Variants in DIAPH2 observed in about 807,000 individuals in gnomAD.
The protein encoded by DIAPH2 is diaphanous related formin 2, also known as protein diaphanous homolog 2.
DIAPH2 carries 35 observed loss-of-function variants against 92.7 expected under a neutral mutation model. The ratio of observed to expected loss-of-function variants is 0.38; its 90% CI spans 0.29 to 0.50. The LOEUF is 0.50. Among genes scored for constraint, DIAPH2 ranks in the 20% least tolerant of loss-of-function variants. The probability of loss-of-function intolerance (pLI) is 0.94; values close to 1 mark genes in which losing one functional copy is unlikely to be tolerated. For missense variants in DIAPH2, 701 were observed against 819.5 expected, an observed-to-expected ratio of 0.86 and a Z score of 1.77; for synonymous variants, 301 against 280.4, an observed-to-expected ratio of 1.07 and a Z score of -0.73.
At chrX:96,911,991 G>A (rs1196307884) in intron 5 of DIAPH2, among the ~76,000 whole-genome samples, 1 of 111,818 alleles carries the variant, frequency 8.9e-6, no homozygotes, top group Non-Finnish European at 1.9e-5. Context: ...TATTAATAAA[G>A]TATCAAAGAG....
intron 19 of DIAPH2, among the ~76,000 whole-genome samples, chrX:97,080,298 C>T (rs1464682280): frequency 9.3e-6 from 1 of 107,901 alleles, no homozygotes; most frequent in African/African-American, 3.4e-5. Flanking sequence ...TTCCTTCCTT[C>T]CTAAGTAAAT....
intron 4 of DIAPH2, among the ~76,000 whole-genome samples, chrX:96,793,350 G>C (rs967771326): frequency 9.0e-6 from 1 of 111,720 alleles, no homozygotes; most frequent in African/African-American, 3.3e-5. Flanking sequence ...TGTATTTTTA[G>C]TAGAGACTGG....
chrX:97,228,487 C>T (rs1018287998), intron 22 of DIAPH2, among the ~76,000 whole-genome samples: 4 of 111,615 alleles, frequency 3.6e-5, no homozygotes, highest in Admixed American at 9.6e-5. Flanking sequence ...TTTGCAACTT[C>T]GCTTGTTGCT....
intron 4 of DIAPH2, among the ~76,000 whole-genome samples, chrX:96,766,797 A>C (rs1039279383): frequency 8.9e-6 from 1 of 112,250 alleles, no homozygotes; most frequent in Admixed American, 9.4e-5. Flanking sequence ...ACCAATGTTG[A>C]TTAGAAGCAG....
At chrX:97,185,494 T>TACATAC (rs1481456621) in intron 22 of DIAPH2, among the ~76,000 whole-genome samples, 3 of 49,686 alleles carry the variant, frequency 6.0e-5, no homozygotes, top group South Asian at 1.2e-3. Flanking sequence ...TATATATATA[T>TACATAC]ATATATATAT....
intron 4 of DIAPH2, among the ~76,000 whole-genome samples, chrX:96,788,777 C>G (rs2064478024): frequency 8.9e-6 from 1 of 111,866 alleles, no homozygotes; most frequent in Non-Finnish European, 1.9e-5. Context: ...TGTCTGTTAC[C>G]TAGCATTGCC....
At chrX:96,793,365 C>T (rs368200895) in intron 4 of DIAPH2, among the ~76,000 whole-genome samples, 8 of 112,162 alleles carry the variant, frequency 7.1e-5, no homozygotes, top group African/African-American at 2.3e-4. Flanking sequence ...GACTGGGTTT[C>T]GCCATGCTGG....
intron 23 of DIAPH2, among the ~76,000 whole-genome samples, chrX:97,269,077 G>A (rs180789800): frequency 1.9e-4 from 21 of 110,733 alleles, no homozygotes; most frequent in Non-Finnish European, 3.6e-4. Context: ...AGCTGGCCTC[G>A]ATCTCCTGAC....
chrX:97,567,239 AAAG>A (rs200448227), intron 26 of DIAPH2, among the ~76,000 whole-genome samples: 1,254 of 112,130 alleles, frequency 0.011, 6 homozygotes, highest in Non-Finnish European at 0.019. Flanking sequence ...AGTAATGAGA[AAAG>A]AATAAATCTT....
At chrX:96,874,605 A>G (rs2065166225) in intron 4 of DIAPH2, among the ~76,000 whole-genome samples, 1 of 111,947 alleles carries the variant, frequency 8.9e-6, no homozygotes, top group Admixed American at 9.5e-5. Context: ...TCGCTAGGAA[A>G]TCAGTTAATG....
chrX:96,871,436 C>T (rs1186555852), intron 4 of DIAPH2, among the ~76,000 whole-genome samples: 1 of 97,694 alleles, frequency 1.0e-5, no homozygotes, highest in Non-Finnish European at 2.0e-5. Flanking sequence ...CGCCACCGTA[C>T]TCCAGCCTGG....
chrX:97,191,385 C>G (rs1373461166), intron 22 of DIAPH2, among the ~76,000 whole-genome samples: 1 of 110,127 alleles, frequency 9.1e-6, no homozygotes, highest in Non-Finnish European at 1.9e-5. Context: ...TGGCTAAGAT[C>G]AAGTGTAGAA....
At chrX:97,113,066 C>T (rs371524633) in intron 20 of DIAPH2, among the ~76,000 whole-genome samples, 12 of 110,565 alleles carry the variant, frequency 1.1e-4, no homozygotes, top group African/African-American at 3.9e-4. Context: ...AGGCCTCAGC[C>T]ACCGCGCCCG....
chrX:96,776,791 A>C (rs940462470), intron 4 of DIAPH2, among the ~76,000 whole-genome samples: 1 of 111,187 alleles, frequency 9.0e-6, no homozygotes, highest in Non-Finnish European at 1.9e-5. Flanking sequence ...ATTTAAAGCA[A>C]ATCATTTTTC....
chrX:96,812,148 C>A (rs2064688582), intron 4 of DIAPH2, among the ~76,000 whole-genome samples: 1 of 111,453 alleles, frequency 9.0e-6, no homozygotes, highest in Admixed American at 9.5e-5. Context: ...TCCATCTGAT[C>A]CTGGACTTTT....
intron 23 of DIAPH2, among the ~76,000 whole-genome samples, chrX:97,308,777 C>T (rs1211306525): frequency 1.9e-5 from 2 of 107,347 alleles, no homozygotes; most frequent in Non-Finnish European, 3.9e-5. Context: ...CCTGCCACCA[C>T]GCCCGGCAAA....
At chrX:97,292,072 A>AT (rs34226875) in intron 23 of DIAPH2, among the ~76,000 whole-genome samples, 39,858 of 84,906 alleles carry the variant, frequency 0.47, 7,216 homozygotes, top group East Asian at 0.68. Context: ...TATAGAAGCA[A>AT]TTTTTTTTTT....
chrX:96,990,161 G>C (rs996979026), intron 17 of DIAPH2, among the ~76,000 whole-genome samples: 1 of 112,262 alleles, frequency 8.9e-6, no homozygotes. Flanking sequence ...CCTAGAGAAA[G>C]TAGAGAGCTA....
intron 26 of DIAPH2, 127 bp from the exon 27 acceptor site, chrX:97,599,126 C>T (rs2071574866): frequency 2.6e-6 from 1 of 388,791 alleles, no homozygotes; most frequent in East Asian, 5.6e-5. Flanking sequence ...TTCCTTGTTA[C>T]TTATTTACAT....
Sources: gnomAD v4.1 joint callset for allele counts (sites outside exome capture counted in the v4.1 genomes callset) on GRCh38, gnomAD v4.1.1 for gene constraint, MANE v1.5 for transcripts, NCBI Gene and HGNC (gene_info 2026-07-23, HGNC 2026-07-21) for gene names.